The following NUP155 variants were observed in gnomAD, a reference collection of about 807,000 sequenced individuals.
The protein encoded by NUP155 is nucleoporin 155, also known as nuclear pore complex protein Nup155.
Under a neutral mutation model 180.4 loss-of-function variants are expected in NUP155, and 71 were observed. The ratio of observed to expected loss-of-function variants is 0.39; its 90% CI spans 0.33 to 0.48. The LOEUF (loss-of-function observed/expected upper bound fraction) is 0.48, where lower values mean the gene tolerates loss of function less well. Ranked by LOEUF, NUP155 falls within the 20% of genes least tolerant of loss-of-function variation. The probability of loss-of-function intolerance (pLI) is 0.91; values close to 1 mark genes in which losing one functional copy is unlikely to be tolerated. For synonymous variants in NUP155, 582 were observed against 559.5 expected, an observed-to-expected ratio of 1.04 and a Z score of -0.57; for missense variants, 1,553 against 1,648.9, an observed-to-expected ratio of 0.94 and a Z score of 1.01.
intron 21 of NUP155, among the ~76,000 whole-genome samples, chr5:37,317,298 T>C (rs896420153): frequency 4.6e-5 from 7 of 152,074 alleles, no homozygotes; most frequent in African/African-American, 1.7e-4. Context: ...GAGACCAGCC[T>C]GACCAACATA....
chr5:37,348,627 A>G, intron 8 of NUP155, 31 bp from the exon 9 acceptor site: 3 of 1,188,278 alleles, frequency 2.5e-6, no homozygotes. Context: ...TCACTTAAAC[A>G]TGATTATATA....
intron 18 of NUP155, chr5:37,327,263 T>C: frequency 3.5e-6 from 1 of 285,130 alleles, no homozygotes; most frequent in South Asian, 3.8e-5. Flanking sequence ...GTTAATTGAT[T>C]ACTTATCAGT....
intron 18 of NUP155, chr5:37,327,122 T>C (rs1433951814): frequency 5.7e-6 from 1 of 176,310 alleles, no homozygotes; most frequent in Admixed American, 5.6e-5. Context: ...ATAACACATA[T>C]AACACAAAAT....
At chr5:37,364,051 T>C in intron 2 of NUP155, 67 bp from the exon 3 acceptor site, 1 of 1,313,194 alleles carries the variant, frequency 7.6e-7, no homozygotes, top group Non-Finnish European at 1.1e-6. Context: ...TTTCAATAGC[T>C]TTTGACTTAA....
chr5:37,322,404 A>T (rs1423856270), intron 20 of NUP155, among the ~76,000 whole-genome samples: 1 of 152,176 alleles, frequency 6.6e-6, no homozygotes, highest in Non-Finnish European at 1.5e-5. Context: ...ATTATATTAG[A>T]GGCTTAAAAA....
chr5:37,311,427 T>G (rs1166786514), intron 22 of NUP155, among the ~76,000 whole-genome samples: 3 of 152,056 alleles, frequency 2.0e-5, no homozygotes, highest in Non-Finnish European at 4.4e-5. Context: ...AAAATTATTA[T>G]TCTACTTGGT....
At chr5:37,313,237 C>T in intron 22 of NUP155, among the ~76,000 whole-genome samples, 1 of 151,696 alleles carries the variant, frequency 6.6e-6, no homozygotes, top group East Asian at 1.9e-4. Flanking sequence ...TCGAGATCAC[C>T]CTGGGCAACA....
chr5:37,305,616 A>G (rs1049567755), intron 25 of NUP155, among the ~76,000 whole-genome samples: 1 of 152,184 alleles, frequency 6.6e-6, no homozygotes, highest in African/African-American at 2.4e-5. Flanking sequence ...TGGGAGGCAG[A>G]GGTTGAGGTG....
At chr5:37,297,466 C>T (rs1355076962) in intron 32 of NUP155, among the ~76,000 whole-genome samples, 1 of 152,150 alleles carries the variant, frequency 6.6e-6, no homozygotes, top group Non-Finnish European at 1.5e-5. Flanking sequence ...GCAGTTTTCA[C>T]CTCCCAGGCT....
In NUP155 at chr5:37,293,931, G is replaced by A. The variant is rs1034211994; in HGVS notation, c.3930+398C>T. Among the ~76,000 whole-genome samples, 3 of 86,424 alleles carry A rather than the reference G, an allele frequency of 3.5e-5. 1 individual carries two copies. The highest frequency in any genetic ancestry group is 3.4e-4 in the African/African-American group (2 of 5,894). 56.7% of individuals were successfully genotyped at this position (86,424 alleles called of 152,430 possible). On this transcript the variant is annotated intron_variant, in intron 33 of 34. Coordinates refer to ENST00000231498, the MANE Select transcript of NUP155 (RefSeq NM_153485.3). ...GGAGAATGGCGTGAACCCGGGAAGC[G>A]GAGCTTGCAGTGAGCCGAGATTGCG...
intron 13 of NUP155, among the ~76,000 whole-genome samples, chr5:37,332,585 G>A (rs990928125): frequency 2.0e-5 from 3 of 151,884 alleles, no homozygotes; most frequent in African/African-American, 7.3e-5. Context: ...AATTGTTTTT[G>A]CACCAATCAA....
At chr5:37,351,939 C>A (rs1364023055) in intron 5 of NUP155, among the ~76,000 whole-genome samples, 4 of 151,908 alleles carry the variant, frequency 2.6e-5, no homozygotes, top group African/African-American at 9.7e-5. Context: ...AGAAACTAAC[C>A]CGGCCGGGTG....
At chr5:37,341,357 T>C (rs1257896448) in intron 10 of NUP155, 115 bp from the exon 11 acceptor site, 4 of 904,168 alleles carry the variant, frequency 4.4e-6, no homozygotes, top group Non-Finnish European at 7.1e-6. Context: ...ATACATAACT[T>C]TCCTGACTAA....
intron 3 of NUP155, 77 bp downstream of exon 3, chr5:37,363,811 C>T (rs1210177495): frequency 7.3e-6 from 7 of 956,928 alleles, no homozygotes; most frequent in Non-Finnish European, 1.2e-5. Context: ...CAAGCAGCTT[C>T]TAATGAGAAC....
intron 11 of NUP155, among the ~76,000 whole-genome samples, chr5:37,339,139 C>T (rs10941325): frequency 0.16 from 24,201 of 151,806 alleles, 1,975 homozygotes; most frequent in South Asian, 0.2. Flanking sequence ...GAGGCTGAGG[C>T]AGGCTGATCA....
At chr5:37,326,074 C>T in intron 18 of NUP155, 107 bp from the exon 19 acceptor site, 1 of 815,660 alleles carries the variant, frequency 1.2e-6, no homozygotes, top group Admixed American at 1.9e-5. Flanking sequence ...TTAAAACTTG[C>T]AGTGGTTTCA....
chr5:37,342,828 C>T (rs866105429), intron 9 of NUP155, among the ~76,000 whole-genome samples, 182 bp from the exon 10 acceptor site: 1 of 152,122 alleles, frequency 6.6e-6, no homozygotes, highest in African/African-American at 2.4e-5. Context: ...TCTCCGCCTC[C>T]CAGGTTCAAG....
intron 4 of NUP155, among the ~76,000 whole-genome samples, chr5:37,356,810 G>A (rs1178956373): frequency 1.3e-5 from 2 of 152,038 alleles, no homozygotes; most frequent in African/African-American, 2.4e-5. Context: ...CACTTCCACG[G>A]GCCATCAAGA....
intron 17 of NUP155, among the ~76,000 whole-genome samples, chr5:37,328,068 A>G (rs1315552803): frequency 6.6e-6 from 1 of 152,256 alleles, no homozygotes; most frequent in Non-Finnish European, 1.5e-5. Context: ...CAAACTTGCC[A>G]GTACTGCTTG....
Sources: allele counts gnomAD v4.1 joint callset (sites outside exome capture counted in the v4.1 genomes callset), GRCh38; gene constraint gnomAD v4.1.1; transcripts MANE v1.5; gene names NCBI Gene and HGNC (gene_info 2026-07-23, HGNC 2026-07-21).